The following RBFOX1 variants were observed in gnomAD, a reference collection of about 807,000 sequenced individuals.
The protein encoded by RBFOX1 is RNA binding fox-1 homolog 1, also known as RNA binding protein fox-1 homolog 1.
RBFOX1 carries 8 observed loss-of-function variants against 57.7 expected under a neutral mutation model. The ratio of observed to expected loss-of-function variants is 0.14; its 90% confidence interval spans 0.08 to 0.25. The LOEUF (loss-of-function observed/expected upper bound fraction) is 0.25, where lower values mean the gene tolerates loss of function less well. Among genes scored for constraint, RBFOX1 ranks in the 10% least tolerant of loss-of-function variants. The pLI, the probability that RBFOX1 is intolerant of heterozygous loss-of-function variation, is 1.00. For synonymous variants in RBFOX1, 326 were observed against 222.4 expected (o/e 1.47, Z -4.15); for missense variants, 611 against 548.5 (o/e 1.11, Z -1.14).
chr16:7,559,729 T>C (rs983630282), intron 5 of RBFOX1, among the ~76,000 whole-genome samples: 1 of 152,238 alleles, frequency 6.6e-6, no homozygotes, highest in Non-Finnish European at 1.5e-5. Flanking sequence ...GTAAGAACTT[T>C]GCGGGCCTTT....
downstream of RBFOX1, among the ~76,000 whole-genome samples, chr16:5,600,433 C>G (rs1281698050): frequency 2.7e-5 from 4 of 145,640 alleles, no homozygotes; most frequent in Non-Finnish European, 4.4e-5. Context: ...CTGCAGTGAG[C>G]TATGATTATG....
chr16:6,138,723 A>C (rs12934522), intron 1 of RBFOX1, among the ~76,000 whole-genome samples: 34,273 of 151,878 alleles, frequency 0.23, 5,229 homozygotes, highest in African/African-American at 0.43. Context: ...AAAAATTAGC[A>C]AGGGTTGGTG....
intron 2 of RBFOX1, among the ~76,000 whole-genome samples, chr16:6,441,463 C>T (rs1409983901): frequency 3.9e-5 from 6 of 152,040 alleles, no homozygotes; most frequent in African/African-American, 1.4e-4. Flanking sequence ...GTTGCCCAGG[C>T]TGGAGTGCAG....
At chr16:6,686,201 C>T (rs1003129023) in intron 3 of RBFOX1, among the ~76,000 whole-genome samples, 23 of 152,186 alleles carry the variant, frequency 1.5e-4, no homozygotes, top group South Asian at 8.3e-4. Context: ...CAGGTTTCCA[C>T]GGTTCAGATG....
chr16:6,672,377 G>C (rs929743882), intron 3 of RBFOX1, among the ~76,000 whole-genome samples: 4 of 149,864 alleles, frequency 2.7e-5, no homozygotes, highest in Admixed American at 1.3e-4. Context: ...GAGGGAGAAA[G>C]AGAGAGAGAA....
chr16:7,228,908 A>G (rs1256972163), intron 4 of RBFOX1, among the ~76,000 whole-genome samples: 3 of 152,162 alleles, frequency 2.0e-5, no homozygotes, highest in African/African-American at 7.2e-5. Context: ...TTTGAGAGAG[A>G]AGAAGATGGA....
At chr16:7,457,689 A>C (rs2058790700) in intron 4 of RBFOX1, among the ~76,000 whole-genome samples, 2 of 152,120 alleles carry the variant, frequency 1.3e-5, no homozygotes, top group South Asian at 4.1e-4. Context: ...TGTTGCCCTC[A>C]TATTTTCAGC....
At chr16:6,079,766 T>A (rs2095971326) in intron 1 of RBFOX1, among the ~76,000 whole-genome samples, 1 of 151,876 alleles carries the variant, frequency 6.6e-6, no homozygotes, top group Non-Finnish European at 1.5e-5. Flanking sequence ...GGCTGAGCAG[T>A]TGCAGGCTCG....
chr16:6,821,479 C>G (rs1297174171), intron 3 of RBFOX1, among the ~76,000 whole-genome samples: 1 of 152,168 alleles, frequency 6.6e-6, no homozygotes, highest in Non-Finnish European at 1.5e-5. Flanking sequence ...GCAACTACCA[C>G]CTTTATCTAG....
chr16:6,151,108 C>G (rs1357239140), intron 1 of RBFOX1, among the ~76,000 whole-genome samples: 1 of 152,142 alleles, frequency 6.6e-6, no homozygotes, highest in Non-Finnish European at 1.5e-5. Context: ...TTTCCTTATT[C>G]ATCATCCCTC....
chr16:7,434,199 C>T (rs903442762), intron 4 of RBFOX1, among the ~76,000 whole-genome samples: 14 of 152,012 alleles, frequency 9.2e-5, no homozygotes, highest in African/African-American at 3.1e-4. Flanking sequence ...GGGCGGGGCG[C>T]GGTGGCTCAC....
chr16:7,235,637 G>A (rs75341597), intron 4 of RBFOX1, among the ~76,000 whole-genome samples: 8 of 152,218 alleles, frequency 5.3e-5, no homozygotes, highest in Middle Eastern at 3.2e-3. Flanking sequence ...TTAGCCTTTT[G>A]TGGGATGAAT....
At chr16:5,253,507 C>T (rs535108098) in intron 1 of RBFOX1, among the ~76,000 whole-genome samples, 19 of 152,228 alleles carry the variant, frequency 1.2e-4, no homozygotes, top group African/African-American at 4.3e-4. Flanking sequence ...AGGACTCTGT[C>T]CTGGGTATAC....
chr16:6,741,306 G>C (rs183171506), intron 3 of RBFOX1, among the ~76,000 whole-genome samples: 2 of 151,832 alleles, frequency 1.3e-5, no homozygotes, highest in Admixed American at 6.6e-5. Context: ...AATATCTTTC[G>C]AACTTAGAGC....
chr16:7,268,229 C>A (rs971280441), intron 4 of RBFOX1, among the ~76,000 whole-genome samples: 3 of 152,158 alleles, frequency 2.0e-5, no homozygotes, highest in Admixed American at 1.3e-4. Flanking sequence ...CCTGTAGTTA[C>A]TGAACTGAAA....
intron 3 of RBFOX1, among the ~76,000 whole-genome samples, chr16:7,015,387 A>G (rs574621743): frequency 3.9e-5 from 6 of 152,172 alleles, no homozygotes; most frequent in Non-Finnish European, 8.8e-5. Flanking sequence ...GAGTTGGCAA[A>G]AACAAAGAAA....
chr16:7,439,661 T>C (rs1436838024), intron 4 of RBFOX1, among the ~76,000 whole-genome samples: 3 of 152,210 alleles, frequency 2.0e-5, no homozygotes, highest in Non-Finnish European at 4.4e-5. Context: ...CTGGATTAAA[T>C]AACTGTTTTA....
chr16:5,502,616 C>T (rs1187790278), intron 2 of RBFOX1, among the ~76,000 whole-genome samples: 1 of 152,130 alleles, frequency 6.6e-6, no homozygotes, highest in African/African-American at 2.4e-5. Context: ...CAATCAGGTC[C>T]AAGGCGCCTC....
chr16:7,009,271 C>CTTCTCTCTT (rs975053250), intron 3 of RBFOX1, among the ~76,000 whole-genome samples: 2 of 139,720 alleles, frequency 1.4e-5, no homozygotes, highest in Admixed American at 1.5e-4. Context: ...CCTTCCTCTT[C>CTTCTCTCTT]TTCTCTCTTT....
Sources: gnomAD v4.1 joint callset for allele counts (sites outside exome capture counted in the v4.1 genomes callset) on GRCh38, gnomAD v4.1.1 for gene constraint, MANE v1.5 for transcripts, NCBI Gene and HGNC (gene_info 2026-07-23, HGNC 2026-07-21) for gene names.